AFM: variants seen among roughly 807,000 people sequenced by gnomAD.
AFM encodes alpha-Alb.
Under a neutral mutation model 68.7 loss-of-function variants are expected in AFM, and 82 were observed. That is an observed-to-expected ratio of 1.19 (90% CI 1.00 to 1.43). The LOEUF is 1.43. Among genes scored for constraint, AFM ranks in the 40% most tolerant of loss-of-function variants. The probability of loss-of-function intolerance (pLI) is 0.00; values close to 1 mark genes in which losing one functional copy is unlikely to be tolerated. For missense variants in AFM, 772 were observed against 701.8 expected, an observed-to-expected ratio of 1.10 and a Z score of -1.13; for synonymous variants, 250 against 234.2, an observed-to-expected ratio of 1.07 and a Z score of -0.61.
At chr4:73,496,793 T>C (rs894264727) in intron 9 of AFM, among the ~76,000 whole-genome samples, 1 of 152,250 alleles carries the variant, frequency 6.6e-6, no homozygotes, top group Non-Finnish European at 1.5e-5. Flanking sequence ...TAAATTCATA[T>C]GTATTTCTGA....
chr4:73,497,600 A>T (rs373988722), intron 9 of AFM, 52 bp from the exon 10 acceptor site: 17 of 1,239,418 alleles, frequency 1.4e-5, no homozygotes, highest in Non-Finnish European at 2.0e-5. Context: ...TGTAAAGCTT[A>T]TGGTTAAATT....
In AFM at chr4:73,501,888, CAG is replaced by C. The variant is rs781622005; in HGVS notation, c.1753_1754del (p.Pro586Ter). 14 of 1,613,482 alleles carry C rather than the reference CAG, an allele frequency of 8.7e-6. No individual in the cohort carries two copies. The Admixed American group carries it at 1.7e-4, about 19-fold the overall frequency. ...AATGTAGTGGATAAGTGCTGCAAAG[CAG>C]AGAGTCCTGAAGTCTGCTTTAATGA... On this transcript the variant is annotated frameshift_variant, in exon 13 of 15. Coordinates refer to ENST00000226355, the MANE Select transcript of AFM (RefSeq NM_001133.2). LOFTEE classifies it high-confidence loss of function.
chr4:73,489,119 C>T (rs1346564786), intron 7 of AFM, among the ~76,000 whole-genome samples: 1 of 152,168 alleles, frequency 6.6e-6, no homozygotes, highest in East Asian at 1.9e-4. Context: ...CAAGGAATGA[C>T]TTGTTAACAT....
At position 73,502,913 on chromosome 4, in the gene AFM, G is replaced by T. The variant is rs1209692017; in HGVS notation, c.1780-137G>T. ...GTGTCTATTTTTTCACTAGAAGAAAGAATGTTTACTGTTTCCCTGTACAAC... is the reference window on the plus strand; with the variant it reads ...GTGTCTATTTTTTCACTAGAAGAAATAATGTTTACTGTTTCCCTGTACAAC... On this transcript the variant is annotated intron_variant, in intron 13 of 14. Transcript: ENST00000226355. 6.0e-6 allele frequency: 5 copies of T among 829,100 alleles called. No individual in the cohort carries two copies. In the Admixed American group the frequency reaches 7.5e-5, roughly 12 times the overall value. 51.4% of individuals were successfully genotyped at this position (829,100 alleles called of 1,614,324 possible). A position where few individuals can be genotyped will look rare whatever the true frequency, so the allele number is the denominator to read the frequency against.
intron 7 of AFM, 81 bp downstream of exon 7, chr4:73,488,840 G>A: frequency 7.4e-7 from 1 of 1,360,366 alleles, no homozygotes; most frequent in Non-Finnish European, 1.0e-6. Context: ...CCTGATATGT[G>A]GTTACTTTGC....
rs1553894034 is a variant in AFM at position 73,484,518 on chromosome 4, CTTCT to C, written c.270+144_270+147del. Reference sequence around the variant, plus strand: ...TCTTTCTTTCTTTCATTCTTTCTTTCTTCTTTCTTTCTTTCTTTCCTTCTTTTTT... The same window carrying C: ...TCTTTCTTTCTTTCATTCTTTCTTTCTTCTTTCTTTCTTTCCTTCTTTTTT... On this transcript the variant is annotated intron_variant, in intron 3 of 14. Transcript: ENST00000226355. The C allele has an allele frequency of 2.7e-3, 1,995 of 736,696 alleles. 24 individuals carry two copies. In the African/African-American group the frequency reaches 0.035, roughly 13 times the overall value. The allele number at this position is 736,696 out of a possible 1,614,324, so 45.6% of individuals were successfully genotyped here. A position where few individuals can be genotyped will look rare whatever the true frequency, so the allele number is the denominator to read the frequency against.
Position 73,501,998 on chromosome 4 carries a change from G to A in AFM, c.1779+79G>A, listed in dbSNP as rs567344204. ...ATAAAACAGAACCCTGCAGGACACT[G>A]CTTCCTCTCTGCAGTGTCTACCAGG... On this transcript the variant is annotated intron_variant, in intron 13 of 14. Transcript: ENST00000226355. 7.4e-6 allele frequency: 11 copies of A among 1,487,634 alleles called. No homozygotes were observed. The East Asian group carries it at 2.3e-4, about 31-fold the overall frequency. 92.2% of individuals were successfully genotyped at this position (1,487,634 alleles called of 1,614,324 possible).
At chr4:73,501,353 A>G (rs1403260593) in intron 12 of AFM, among the ~76,000 whole-genome samples, 1 of 152,130 alleles carries the variant, frequency 6.6e-6, no homozygotes, top group African/African-American at 2.4e-5. Flanking sequence ...TGGAATGTCC[A>G]TCATCTAAAA....
chr4:73,482,857 A>G (rs1275208485), intron 1 of AFM, among the ~76,000 whole-genome samples: 1 of 152,124 alleles, frequency 6.6e-6, no homozygotes, highest in African/African-American at 2.4e-5. Flanking sequence ...TACATATACC[A>G]CTACCTGACT....
chr4:73,497,808 C>A (rs1286439138), intron 10 of AFM, 59 bp downstream of exon 10: 10 of 1,098,502 alleles, frequency 9.1e-6, no homozygotes, highest in East Asian at 2.7e-5. Context: ...CATAATCCCT[C>A]GAAGCGTAAA....
Position 73,487,031 on chromosome 4 carries a change from G to C in AFM, c.547G>C (p.Val183Leu), listed in dbSNP as rs926723732. ...VFAPTLLTVA[V>L]HFEEVAKSCC... ...CGCCCCTACACTTCTAACTGTTGCT[G>C]TTCATTTTGAGGAGGTGGCCAAATC... The change falls in exon 5 of 15, where the codon GTT becomes CTT. Residue 183 changes from valine to leucine, a missense_variant. Coordinates refer to ENST00000226355, the MANE Select transcript of AFM (RefSeq NM_001133.2). 5 of 1,613,942 alleles carry C rather than the reference G, an allele frequency of 3.1e-6. No individual in the cohort carries two copies. The highest frequency in any genetic ancestry group is 4.2e-6 in the Non-Finnish European group (5 of 1,179,962).
intron 4 of AFM, 60 bp from the exon 5 acceptor site, chr4:73,486,907 T>C: frequency 6.6e-7 from 1 of 1,519,406 alleles, no homozygotes; most frequent in Non-Finnish European, 9.0e-7. Context: ...CTTGTCTACA[T>C]TCATTGCTTC....
At chr4:73,482,416 T>A (rs1720740902) in intron 1 of AFM, among the ~76,000 whole-genome samples, 1 of 152,134 alleles carries the variant, frequency 6.6e-6, no homozygotes, top group Admixed American at 6.6e-5. Flanking sequence ...CTAGAGGAGG[T>A]GTCTTTTTCT....
intron 5 of AFM, among the ~76,000 whole-genome samples, chr4:73,487,447 G>A (rs1720931265): frequency 6.6e-6 from 1 of 152,172 alleles, no homozygotes; most frequent in African/African-American, 2.4e-5. Context: ...TATAATCTCA[G>A]TAGGGATGGC....
At position 73,491,928 on chromosome 4, in the gene AFM, A is replaced by C. The variant is rs1721079571; in HGVS notation, c.900A>C (p.Lys300Asn). 6.2e-7 allele frequency: 1 copy of C among 1,614,066 alleles called. No homozygotes were observed. Among genetic ancestry groups the C allele is most frequent in the Non-Finnish European group, 8.5e-7 (1 of 1,179,952 alleles). The change falls in exon 8 of 15, where the codon AAA (lysine) becomes AAC (asparagine). Residue 300 changes from lysine (K) to asparagine (N), a missense_variant. Lys to Asn is a moderately conservative substitution (Grantham distance 94, BLOSUM62 0). Transcript: ENST00000226355. ...SKQDSISSKI[K>N]ECCEKKIPER... is the part of the protein sequence containing the mutation. ...AAGATTCTATCTCCAGCAAAATCAA[A>C]GAGTGCTGTGAAAAGAAAATACCAG...
intron 9 of AFM, among the ~76,000 whole-genome samples, chr4:73,495,663 C>T (rs1209845478): frequency 6.6e-6 from 1 of 152,088 alleles, no homozygotes; most frequent in Non-Finnish European, 1.5e-5. Context: ...AAAGTCTTCC[C>T]ATTAAACATT....
intron 1 of AFM, among the ~76,000 whole-genome samples, chr4:73,482,220 T>G (rs1160996449): frequency 6.6e-6 from 1 of 152,254 alleles, no homozygotes; most frequent in Non-Finnish European, 1.5e-5. Context: ...GGGATTTTTC[T>G]GGAACCTTTG....
intron 7 of AFM, among the ~76,000 whole-genome samples, chr4:73,490,853 A>G (rs372263837): frequency 4.6e-5 from 7 of 152,198 alleles, no homozygotes; most frequent in African/African-American, 1.7e-4. Flanking sequence ...CTGGCATTAC[A>G]TGAGATGTAA....
chr4:73,481,809 T>C lies in AFM; in HGVS notation c.34T>C (p.Phe12Leu). 6.2e-7 allele frequency: 1 copy of C among 1,607,568 alleles called. No homozygotes were observed. The highest frequency in any genetic ancestry group is 8.5e-7 in the Non-Finnish European group (1 of 1,177,054). The change falls in exon 1 of 15, where the codon TTC becomes CTC. Residue 12 changes from phenylalanine to leucine, a missense_variant. Transcript: ENST00000226355. ...ACTAAAACTTACAGGTTTTATTTTT[T>C]TCTTGTTTTTTTTGACTGAATCCCT... ...KLLKLTGFIF[F>L]LFFLTESLTL... is the part of the protein sequence containing the mutation.
Sources: gnomAD v4.1 joint callset for allele counts (sites outside exome capture counted in the v4.1 genomes callset) on GRCh38, gnomAD v4.1.1 for gene constraint, MANE v1.5 for transcripts, NCBI Gene and HGNC (gene_info 2026-07-23, HGNC 2026-07-21) for gene names.